Variants in CDC14A observed in about 807,000 individuals in gnomAD.
CDC14A encodes the protein dual specificity protein phosphatase CDC14A.
CDC14A carries 53 observed loss-of-function variants against 74.4 expected under a neutral mutation model. That is an observed-to-expected ratio of 0.71 (90% confidence interval 0.57 to 0.89). The LOEUF (loss-of-function observed/expected upper bound fraction) is 0.89. Ranked by LOEUF, CDC14A falls within the 40% of genes least tolerant of loss-of-function variation. The probability of loss-of-function intolerance (pLI) is 0.00; values close to 1 mark genes in which losing one functional copy is unlikely to be tolerated. For missense variants in CDC14A, 646 were observed against 713.7 expected (o/e 0.91, Z 1.08); for synonymous variants, 247 against 258.4 (o/e 0.96, Z 0.43).
intron 4 of CDC14A, among the ~76,000 whole-genome samples, chr1:100,403,201 C>T (rs1223023985): frequency 6.6e-6 from 1 of 152,196 alleles, no homozygotes; most frequent in Non-Finnish European, 1.5e-5. Flanking sequence ...AGTACACACA[C>T]ATACACACAC....
chr1:100,491,878 C>CTTTTTTT (rs1553196630), intron 11 of CDC14A, among the ~76,000 whole-genome samples: 38 of 142,082 alleles, frequency 2.7e-4, no homozygotes, highest in Non-Finnish European at 3.5e-4. Flanking sequence ...AGCCAGATAC[C>CTTTTTTT]TTTTTTTGAG....
At position 100,502,267 on chromosome 1, in the gene CDC14A, A is replaced by G. The variant is rs532302302; in HGVS notation, c.1755+3005A>G. On this transcript the variant is annotated intron_variant, in intron 15 of 15. Transcript: ENST00000336454. The stretch of plus-strand genomic sequence containing the variant: ...CACCCAGAGTAACTTCCCTTCCTGC[A>G]AGCTCTATCCATGGTAAGTGCCCTT... Among the ~76,000 whole-genome samples, 25 of 152,320 alleles carry G rather than the reference A, an allele frequency of 1.6e-4. No homozygotes were observed. The South Asian group carries it at 3.9e-3, about 24-fold the overall frequency.
At chr1:100,473,200 G>A (rs943169750) in intron 10 of CDC14A, among the ~76,000 whole-genome samples, 5 of 151,936 alleles carry the variant, frequency 3.3e-5, no homozygotes, top group Admixed American at 2.6e-4. Context: ...CCATAAACAT[G>A]ATATGTCTTT....
intron 4 of CDC14A, among the ~76,000 whole-genome samples, chr1:100,403,001 G>A (rs1311191517): frequency 6.6e-6 from 1 of 152,168 alleles, no homozygotes; most frequent in East Asian, 1.9e-4. Flanking sequence ...AGGGACAATG[G>A]TGGTTGTTCT....
chr1:100,376,553 C>T (rs746873142), intron 2 of CDC14A, among the ~76,000 whole-genome samples: 26 of 152,024 alleles, frequency 1.7e-4, no homozygotes, highest in African/African-American at 3.1e-4. Context: ...TTCCAGGTGA[C>T]GGAAGGGCCT....
intron 7 of CDC14A, among the ~76,000 whole-genome samples, chr1:100,450,898 C>T (rs1010941843): frequency 6.6e-6 from 1 of 152,140 alleles, no homozygotes; most frequent in Non-Finnish European, 1.5e-5. Context: ...CACAAGCGTT[C>T]GTAAAACCAA....
At chr1:100,407,384 T>C (rs1166065994) in intron 4 of CDC14A, among the ~76,000 whole-genome samples, 1 of 152,184 alleles carries the variant, frequency 6.6e-6, no homozygotes, top group African/African-American at 2.4e-5. Flanking sequence ...CTTTGAGCAG[T>C]GGTTTGTAGT....
chr1:100,442,886 G>C (rs1035961900), intron 6 of CDC14A, 48 bp from the exon 7 acceptor site: 6 of 1,194,598 alleles, frequency 5.0e-6, no homozygotes, highest in Non-Finnish European at 7.5e-6. Flanking sequence ...ATGATGAGTA[G>C]AGTTTATCAA....
At chr1:100,398,664 G>A (rs1186288092) in intron 4 of CDC14A, among the ~76,000 whole-genome samples, 1 of 152,110 alleles carries the variant, frequency 6.6e-6, no homozygotes, top group Non-Finnish European at 1.5e-5. Context: ...TAAAATGTGG[G>A]ACAGGTGAGC....
intron 4 of CDC14A, among the ~76,000 whole-genome samples, chr1:100,398,754 T>C (rs1197079958): frequency 6.6e-6 from 1 of 152,146 alleles, no homozygotes; most frequent in Non-Finnish European, 1.5e-5. Context: ...TTTGAGGTAT[T>C]TTCATGTAAC....
At chr1:100,475,086 C>T (rs1360641483) in intron 10 of CDC14A, among the ~76,000 whole-genome samples, 1 of 152,050 alleles carries the variant, frequency 6.6e-6, no homozygotes, top group Non-Finnish European at 1.5e-5. Context: ...CTGGGACTCT[C>T]TTCATCATTT....
chr1:100,435,395 G>T (rs1289673391), intron 5 of CDC14A, among the ~76,000 whole-genome samples: 1 of 152,162 alleles, frequency 6.6e-6, no homozygotes, highest in African/African-American at 2.4e-5. Flanking sequence ...GGATTGCCAG[G>T]GGCTGGAGGA....
intron 11 of CDC14A, among the ~76,000 whole-genome samples, chr1:100,486,662 T>C (rs1412233689): frequency 6.6e-6 from 1 of 152,208 alleles, no homozygotes. Context: ...TTTCAACATA[T>C]GAATTTTGGG....
upstream of CDC14A, among the ~76,000 whole-genome samples, chr1:100,350,015 G>C (rs1392903861): frequency 6.6e-6 from 1 of 150,488 alleles, no homozygotes; most frequent in Non-Finnish European, 1.5e-5. Flanking sequence ...ACAATGATGC[G>C]ATCTTGGCTC....
At chr1:100,366,815 C>G (rs1436117119) in intron 2 of CDC14A, among the ~76,000 whole-genome samples, 3 of 152,184 alleles carry the variant, frequency 2.0e-5, no homozygotes, top group African/African-American at 7.2e-5. Context: ...CCGATTTTCC[C>G]TTAATAGTTC....
chr1:100,352,237 G>C (rs1294137316), upstream of CDC14A, among the ~76,000 whole-genome samples: 1 of 152,174 alleles, frequency 6.6e-6, no homozygotes, highest in African/African-American at 2.4e-5. Flanking sequence ...GGCCCCGCCC[G>C]CTCCCCTGGG....
intron 15 of CDC14A, among the ~76,000 whole-genome samples, chr1:100,502,180 T>G (rs1316512688): frequency 6.6e-6 from 1 of 152,204 alleles, no homozygotes; most frequent in Admixed American, 6.5e-5. Context: ...ATTTATAAAG[T>G]CTACAGTAGT....
chr1:100,489,611 G>A (rs953516932), intron 11 of CDC14A, among the ~76,000 whole-genome samples: 9 of 149,306 alleles, frequency 6.0e-5, no homozygotes, highest in African/African-American at 2.3e-4. Context: ...ACTTCTTTTG[G>A]TACAATATTT....
rs543718164 is a variant in CDC14A, at chr1:100,393,433, G to T, written c.309+2609G>T. On this transcript the variant is annotated intron_variant, in intron 4 of 15. Coordinates refer to ENST00000336454, the MANE Select transcript of CDC14A (RefSeq NM_003672.4). The stretch of plus-strand genomic sequence containing the variant: ...ATGCCATTTTTTTGACCAGAGGAAG[G>T]GGCTGGAAGTTCATATCGTTTCATA... 5.0e-4 allele frequency: 389 copies of T among 784,380 alleles called. 1 individual carries two copies. The highest frequency in any genetic ancestry group is 7.4e-4 in the Non-Finnish European group (313 of 423,834). 48.6% of individuals were successfully genotyped at this position (784,380 alleles called of 1,614,324 possible).
Sources: allele counts gnomAD v4.1 joint callset (sites outside exome capture counted in the v4.1 genomes callset), GRCh38; gene constraint gnomAD v4.1.1; transcripts MANE v1.5; gene names NCBI Gene and HGNC (gene_info 2026-07-23, HGNC 2026-07-21).